NF2: variants seen among roughly 807,000 people sequenced by gnomAD.
NF2 encodes NF2, moesin-ezrin-radixin like (MERLIN) tumor suppressor, also known as merlin.
Under a neutral mutation model 83.7 loss-of-function variants are expected in NF2, and 8 were observed. The ratio of observed to expected loss-of-function variants is 0.10; its 90% CI spans 0.06 to 0.17. The LOEUF is 0.17. NF2 is among the 10% of genes least tolerant of loss of function. The probability of loss-of-function intolerance (pLI) is 1.00; values close to 1 mark genes in which losing one functional copy is unlikely to be tolerated. For missense variants in NF2, 533 were observed against 744.4 expected (o/e 0.72, Z 3.31); for synonymous variants, 266 against 269.6 (o/e 0.99, Z 0.13).
rs558218167 is a variant in NF2, at chr22:29,655,866, C to T, written c.599+190C>T. Reference sequence around the variant, plus strand: ...GTTTTGTGTGTGTCCTTTTCTAGTACGTATGACATAAAGTAGGTATGTGTA... The same window carrying T: ...GTTTTGTGTGTGTCCTTTTCTAGTATGTATGACATAAAGTAGGTATGTGTA... On this transcript the variant is annotated intron_variant, in intron 6 of 15. Transcript: ENST00000338641. Among the ~76,000 whole-genome samples, 11 of 151,992 alleles carry T rather than the reference C, an allele frequency of 7.2e-5. No individual in the cohort carries two copies. The South Asian group carries it at 2.1e-3, about 29-fold the overall frequency.
intron 4 of NF2, among the ~76,000 whole-genome samples, chr22:29,646,905 G>T (rs192358580): frequency 1.3e-5 from 2 of 152,000 alleles, no homozygotes; most frequent in African/African-American, 4.8e-5. Context: ...TTAGCCAGGC[G>T]TGGTGGTGTA....
At chr22:29,618,320 G>A (rs2065127869) in intron 1 of NF2, among the ~76,000 whole-genome samples, 1 of 152,172 alleles carries the variant, frequency 6.6e-6, no homozygotes, top group South Asian at 2.1e-4. Context: ...GAGAGAGAGA[G>A]TACTTGTAGA....
chr22:29,621,159 A>T (rs2065209066), intron 1 of NF2, among the ~76,000 whole-genome samples: 1 of 152,180 alleles, frequency 6.6e-6, no homozygotes, highest in African/African-American at 2.4e-5. Context: ...TGAGGCTGAC[A>T]TGTAAGTTGA....
At chr22:29,671,987 G>A (rs2147074900) in intron 11 of NF2, 39 bp downstream of exon 11, 1 of 1,613,900 alleles carries the variant, frequency 6.2e-7, no homozygotes, top group Non-Finnish European at 8.5e-7. Context: ...AGGCTACTTG[G>A]GGACTTCCTT....
chr22:29,603,577 G>C (rs2064697730), upstream of NF2: 2 of 392,452 alleles, frequency 5.1e-6, no homozygotes, highest in East Asian at 3.6e-5. Context: ...CGGGCGCGCG[G>C]AGTGAGGACG....
chr22:29,643,273 G>C (rs1470168225), intron 4 of NF2, among the ~76,000 whole-genome samples: 1 of 150,556 alleles, frequency 6.6e-6, no homozygotes, highest in Non-Finnish European at 1.5e-5. Context: ...GAGTCACCAT[G>C]CCTGGTCTTA....
At chr22:29,680,269 G>A (rs1003775517) in intron 14 of NF2, among the ~76,000 whole-genome samples, 1 of 151,994 alleles carries the variant, frequency 6.6e-6, no homozygotes, top group African/African-American at 2.4e-5. Flanking sequence ...ATGCTATCAC[G>A]CCCAGCTAAC....
intron 15 of NF2, chr22:29,683,381 T>G: frequency 7.5e-7 from 1 of 1,340,028 alleles, no homozygotes; most frequent in Non-Finnish European, 9.6e-7. Context: ...GTCAGGTGTG[T>G]CTAAAAGTCC....
intron 1 of NF2, among the ~76,000 whole-genome samples, chr22:29,622,953 CTTTTTTTT>C (rs779748755): frequency 1.1e-5 from 1 of 94,736 alleles, no homozygotes; most frequent in African/African-American, 4.8e-5. Flanking sequence ...CGTGCCCGGC[CTTTTTTTT>C]TTTTTTTTTT....
At position 29,698,522 on chromosome 22, in the gene NF2, C is replaced by A. The variant is rs1254681428; in HGVS notation, c.*3720C>A. 8 of 201,646 alleles carry A rather than the reference C, an allele frequency of 4.0e-5. No homozygotes were observed. In the East Asian group the frequency reaches 6.0e-4, roughly 15 times the overall value. 12.5% of individuals were successfully genotyped at this position (201,646 alleles called of 1,614,324 possible). A position where few individuals can be genotyped will look rare whatever the true frequency, so the allele number is the denominator to read the frequency against. On this transcript the variant is annotated 3_prime_UTR_variant, in exon 16 of 16. Transcript: ENST00000338641. The stretch of plus-strand genomic sequence containing the variant: ...GTCCTGCCTCCTATCAGGGCCAGAT[C>A]ATAGAAGGCTATTTTCTATTCTGGG...
intron 12 of NF2, among the ~76,000 whole-genome samples, chr22:29,673,944 C>T (rs1279571195): frequency 6.6e-6 from 1 of 152,202 alleles, no homozygotes; most frequent in Non-Finnish European, 1.5e-5. Flanking sequence ...CCTTTCTTGG[C>T]ACATGGGGGA....
chr22:29,639,459 C>T (rs2065740745), intron 3 of NF2, among the ~76,000 whole-genome samples: 1 of 152,182 alleles, frequency 6.6e-6, no homozygotes, highest in Non-Finnish European at 1.5e-5. Flanking sequence ...AGCTACCTAA[C>T]TTAAAACCTC....
At chr22:29,680,932 C>T (rs1191151999) in intron 14 of NF2, among the ~76,000 whole-genome samples, 1 of 144,126 alleles carries the variant, frequency 6.9e-6, no homozygotes, top group African/African-American at 2.5e-5. Context: ...TCCCAGGAAG[C>T]TTGTTTCACG....
chr22:29,659,445 A>G (rs920206635), intron 7 of NF2, among the ~76,000 whole-genome samples: 14 of 152,096 alleles, frequency 9.2e-5, no homozygotes, highest in African/African-American at 2.9e-4. Context: ...GTAGCTGGGG[A>G]GTATCACTGT....
Position 29,650,546 on chromosome 22 carries a change from C to CTT in NF2, c.448-4109_448-4108dup, listed in dbSNP as rs542118344. The stretch of plus-strand genomic sequence containing the variant: ...TTTCTTTTTCTTTCTTTCTCTTTCT[C>CTT]TTTCTTTCTCTCTCTCTCTCCTTCC... On this transcript the variant is annotated intron_variant, in intron 4 of 15. Coordinates refer to ENST00000338641, the MANE Select transcript of NF2 (RefSeq NM_000268.4). 5.1e-4 allele frequency among the ~76,000 whole-genome samples: 77 copies of CTT among 150,274 alleles called. 1 individual carries two copies. The East Asian group carries it at 0.01, about 20-fold the overall frequency.
chr22:29,684,615 A>G (rs1423343475), intron 15 of NF2, among the ~76,000 whole-genome samples: 3 of 152,186 alleles, frequency 2.0e-5, no homozygotes, highest in Admixed American at 6.5e-5. Context: ...TGCTCCTGGG[A>G]CATACATGGA....
At chr22:29,643,807 A>T (rs1252452200) in intron 4 of NF2, among the ~76,000 whole-genome samples, 1 of 152,074 alleles carries the variant, frequency 6.6e-6, no homozygotes, top group South Asian at 2.1e-4. Context: ...GCTGTTGGGC[A>T]CACCTCCCAG....
In NF2 at chr22:29,692,492, C is replaced by T. The variant is rs529639787; in HGVS notation, c.1738-2260C>T. ...GTGCCAGAACCCTCCCCTAGCACCTCGAGGGGACAGCCAGCATGCTCCTCG... is the reference window on the plus strand; with the variant it reads ...GTGCCAGAACCCTCCCCTAGCACCTTGAGGGGACAGCCAGCATGCTCCTCG... On this transcript the variant is annotated intron_variant, in intron 15 of 15. Transcript: ENST00000338641. 1.8e-3 allele frequency among the ~76,000 whole-genome samples: 272 copies of T among 152,284 alleles called. 1 individual carries two copies. The highest frequency in any genetic ancestry group is 6.4e-3 in the African/African-American group (266 of 41,566).
chr22:29,659,508 A>G (rs1382069992), intron 7 of NF2, among the ~76,000 whole-genome samples: 2 of 152,220 alleles, frequency 1.3e-5, no homozygotes, highest in African/African-American at 4.8e-5. Flanking sequence ...AGTCAGACTA[A>G]TGGATACTGT....
Sources: gnomAD v4.1 joint callset for allele counts (sites outside exome capture counted in the v4.1 genomes callset) on GRCh38, gnomAD v4.1.1 for gene constraint, MANE v1.5 for transcripts, NCBI Gene and HGNC (gene_info 2026-07-23, HGNC 2026-07-21) for gene names.